GLIS3: variants seen among roughly 807,000 people sequenced by gnomAD.
The protein encoded by GLIS3 is zinc finger protein GLIS3.
Under a neutral mutation model 78.6 loss-of-function variants are expected in GLIS3, and 53 were observed. The observed-to-expected ratio is 0.67, with a 90% CI of 0.54 to 0.85. The LOEUF is 0.85. Ranked by LOEUF, GLIS3 falls within the 40% of genes least tolerant of loss-of-function variation. The probability of loss-of-function intolerance (pLI) is 0.00; values close to 1 mark genes in which losing one functional copy is unlikely to be tolerated. For synonymous variants in GLIS3, 684 were observed against 509.9 expected (o/e 1.34, Z -4.60); for missense variants, 1,703 against 1,231.1 (o/e 1.38, Z -5.74).
chr9:4,341,363 G>A (rs1392308888), intron 2 of GLIS3, among the ~76,000 whole-genome samples: 3 of 152,196 alleles, frequency 2.0e-5, no homozygotes, highest in African/African-American at 4.8e-5. Context: ...ATCTGACCCT[G>A]TTCAAATCAA....
At chr9:4,446,307 G>A in the GLIS3 span, among the ~76,000 whole-genome samples, 18,307 of 152,158 alleles carry the variant, frequency 0.12, 1,165 homozygotes, top group South Asian at 0.19. Context: ...TCCATTATGT[G>A]AGGATGCAGC....
intron 2 of GLIS3, among the ~76,000 whole-genome samples, chr9:4,141,019 C>T (rs934900934): frequency 2.0e-5 from 3 of 152,118 alleles, no homozygotes; most frequent in Non-Finnish European, 2.9e-5. Context: ...AGGCTGGTCT[C>T]GAACTCCTCA....
intron 2 of GLIS3, among the ~76,000 whole-genome samples, chr9:4,279,963 TTAA>T (rs1488045939): frequency 6.6e-6 from 1 of 151,580 alleles, no homozygotes; most frequent in Non-Finnish European, 1.5e-5. Context: ...TTATATCATA[TTAA>T]TAATGTAAGT....
At chr9:4,426,813 C>G in the GLIS3 span, among the ~76,000 whole-genome samples, 1 of 152,232 alleles carries the variant, frequency 6.6e-6, no homozygotes, top group Non-Finnish European at 1.5e-5. Flanking sequence ...ATAGCTCCCA[C>G]TTCACAGAGT....
At chr9:4,480,493 G>A in the GLIS3 span, among the ~76,000 whole-genome samples, 3 of 152,042 alleles carry the variant, frequency 2.0e-5, no homozygotes, top group South Asian at 6.2e-4. Context: ...GGGCCACCAT[G>A]CCCAGCCAAG....
chr9:4,082,027 A>T (rs1414993133), intron 4 of GLIS3, among the ~76,000 whole-genome samples: 1 of 152,248 alleles, frequency 6.6e-6, no homozygotes, highest in African/African-American at 2.4e-5. Flanking sequence ...CCAAAGACAG[A>T]GGACAGAATC....
intron 4 of GLIS3, among the ~76,000 whole-genome samples, chr9:4,108,945 A>G (rs770815778): frequency 6.6e-6 from 1 of 152,148 alleles, no homozygotes; most frequent in African/African-American, 2.4e-5. Context: ...GCTGCCAGAG[A>G]AAGAAGCTCA....
chr9:4,102,712 TAATA>T (rs1311239348), intron 4 of GLIS3, among the ~76,000 whole-genome samples: 2 of 152,182 alleles, frequency 1.3e-5, no homozygotes, highest in African/African-American at 4.8e-5. Flanking sequence ...ATAAATATTA[TAATA>T]AATAAATCTC....
chr9:3,827,347 G>A lies in GLIS3; in HGVS notation c.*925C>T, dbSNP rs1399454397. On this transcript the variant is annotated 3_prime_UTR_variant, in exon 11 of 11. Coordinates refer to ENST00000381971, the MANE Select transcript of GLIS3 (RefSeq NM_001042413.2). Reference sequence around the variant, plus strand: ...CTCTGGGTGCAGCACCAGAGTGGAGGCAATGGGTAAACCAGTCAAACAACA... The same window carrying A: ...CTCTGGGTGCAGCACCAGAGTGGAGACAATGGGTAAACCAGTCAAACAACA... The A allele has an allele frequency of 6.6e-6, 1 of 152,220 alleles. No individual in the cohort carries two copies. The highest frequency in any genetic ancestry group is 1.5e-5 in the Non-Finnish European group (1 of 68,054). The allele number at this position is 152,220 out of a possible 1,614,324, so 9.4% of individuals were successfully genotyped here.
chr9:4,439,246 TTTA>T, the GLIS3 span, among the ~76,000 whole-genome samples: 2 of 152,214 alleles, frequency 1.3e-5, no homozygotes, highest in African/African-American at 4.8e-5. Flanking sequence ...TTTTAAAATG[TTTA>T]TTGAGATATA....
At chr9:3,971,740 A>G (rs1818397135) in intron 4 of GLIS3, among the ~76,000 whole-genome samples, 1 of 152,184 alleles carries the variant, frequency 6.6e-6, no homozygotes, top group Non-Finnish European at 1.5e-5. Flanking sequence ...GTTCTTTGAA[A>G]AGCACTGTCT....
chr9:4,105,539 A>T (rs939968452), intron 4 of GLIS3, among the ~76,000 whole-genome samples: 3 of 152,218 alleles, frequency 2.0e-5, no homozygotes, highest in East Asian at 1.9e-4. Flanking sequence ...CTTGAAAATA[A>T]ATCATTGACA....
chr9:4,243,081 C>A (rs1305929359), intron 2 of GLIS3, among the ~76,000 whole-genome samples: 1 of 152,188 alleles, frequency 6.6e-6, no homozygotes, highest in Non-Finnish European at 1.5e-5. Flanking sequence ...ATTAGAGATT[C>A]CAGCCTTGGG....
chr9:4,426,806 G>T, the GLIS3 span, among the ~76,000 whole-genome samples: 1 of 152,170 alleles, frequency 6.6e-6, no homozygotes, highest in Non-Finnish European at 1.5e-5. Context: ...GACAATAATA[G>T]CTCCCACTTC....
intron 5 of GLIS3, among the ~76,000 whole-genome samples, chr9:3,934,410 AT>A (rs71308889): frequency 0.016 from 2,171 of 138,378 alleles, 52 homozygotes; most frequent in African/African-American, 0.044. Context: ...TTTCTATTTG[AT>A]TTTTTTTTTT....
chr9:4,442,267 C>G, the GLIS3 span, among the ~76,000 whole-genome samples: 1 of 152,042 alleles, frequency 6.6e-6, no homozygotes, highest in Non-Finnish European at 1.5e-5. Flanking sequence ...TGTTATGATC[C>G]TCTGTATTTT....
At chr9:4,412,597 C>G in the GLIS3 span, among the ~76,000 whole-genome samples, 1 of 152,160 alleles carries the variant, frequency 6.6e-6, no homozygotes, top group African/African-American at 2.4e-5. Context: ...GTATTTGGCA[C>G]TGGGTGAAGG....
rs562095206 is a variant in GLIS3 at position 4,046,280 on chromosome 9, C to A, written c.1710+71488G>T. On this transcript the variant is annotated intron_variant, in intron 4 of 10. Coordinates refer to ENST00000381971, the MANE Select transcript of GLIS3 (RefSeq NM_001042413.2). ...CCCAGTTGAACATTTTCATCATGCA[C>A]CTATGTGAAGACAGTAAAGGCAACC... 2.0e-5 allele frequency among the ~76,000 whole-genome samples: 3 copies of A among 152,146 alleles called. No individual in the cohort carries two copies. The East Asian group carries it at 5.8e-4, about 29-fold the overall frequency.
the GLIS3 span, among the ~76,000 whole-genome samples, chr9:4,357,775 G>A: frequency 6.6e-6 from 1 of 152,086 alleles, no homozygotes; most frequent in Non-Finnish European, 1.5e-5. Flanking sequence ...ACCTGGACAT[G>A]GTCAAAGAAC....
Sources: gnomAD v4.1 joint callset for allele counts (sites outside exome capture counted in the v4.1 genomes callset) on GRCh38, gnomAD v4.1.1 for gene constraint, MANE v1.5 for transcripts, NCBI Gene and HGNC (gene_info 2026-07-23, HGNC 2026-07-21) for gene names.